Variants in NIPBL observed in about 807,000 individuals in gnomAD.
The protein encoded by NIPBL is NIPBL cohesin loading factor.
In NIPBL, 19 loss-of-function variants were observed where a neutral mutation model predicts 321.8. That is an observed-to-expected ratio of 0.06 (90% confidence interval 0.04 to 0.09). The LOEUF (loss-of-function observed/expected upper bound fraction) is 0.09. Ranked by LOEUF, NIPBL falls within the 10% of genes least tolerant of loss-of-function variation. The probability of loss-of-function intolerance (pLI) is 1.00; values close to 1 mark genes in which losing one functional copy is unlikely to be tolerated. For missense variants in NIPBL, 2,210 were observed against 3,327.0 expected, an observed-to-expected ratio of 0.66 and a Z score of 8.26; for synonymous variants, 1,106 against 1,114.1, an observed-to-expected ratio of 0.99 and a Z score of 0.14.
intron 8 of NIPBL, among the ~76,000 whole-genome samples, chr5:36,975,450 T>C (rs1469578065): frequency 1.3e-5 from 2 of 152,156 alleles, no homozygotes; most frequent in East Asian, 3.8e-4. Flanking sequence ...TTGTATCATC[T>C]TTAGAAGCAA....
intron 1 of NIPBL, among the ~76,000 whole-genome samples, chr5:36,901,683 A>AT (rs1161242607): frequency 6.6e-6 from 1 of 151,652 alleles, no homozygotes; most frequent in Non-Finnish European, 1.5e-5. Context: ...CTAATTTTGT[A>AT]TTTTTAGTAG....
chr5:37,064,113 A>G (rs543709888), intron 46 of NIPBL, 135 bp downstream of exon 46: 1 of 1,456,476 alleles, frequency 6.9e-7, no homozygotes, highest in South Asian at 1.5e-5. Flanking sequence ...GTAGATAGAG[A>G]TTCTCTACTT....
chr5:37,061,836 T>C (rs1178345221), intron 45 of NIPBL, among the ~76,000 whole-genome samples: 1 of 152,176 alleles, frequency 6.6e-6, no homozygotes, highest in Admixed American at 6.5e-5. Flanking sequence ...TATTTTTTAT[T>C]GTAATGCTGT....
At chr5:37,014,079 G>A (rs1748608019) in intron 21 of NIPBL, among the ~76,000 whole-genome samples, 1 of 152,228 alleles carries the variant, frequency 6.6e-6, no homozygotes, top group African/African-American at 2.4e-5. Context: ...GTGGCGGTGC[G>A]CTCCTGCAAT....
Position 36,976,287 on chromosome 5 carries a change from A to G in NIPBL, c.1380A>G (p.Ser460=). The part of the protein sequence containing the change: ...TSVVQNQQQI[S]QQGPIYDEVE... The stretch of plus-strand genomic sequence containing the variant: ...TGGTACAGAATCAACAACAGATATC[A>G]CAACAGGGACCTATATATGATGAAG... The change falls in exon 9 of 47, where the codon TCA becomes TCG. Residue 460 remains serine, a synonymous_variant. Transcript: ENST00000282516. 2 of 1,613,810 alleles carry G rather than the reference A, an allele frequency of 1.2e-6. No homozygotes were observed. The highest frequency in any genetic ancestry group is 1.7e-6 in the Non-Finnish European group (2 of 1,179,864).
At chr5:36,958,951 A>C (rs571435387) in intron 4 of NIPBL, among the ~76,000 whole-genome samples, 7 of 152,302 alleles carry the variant, frequency 4.6e-5, no homozygotes, top group Admixed American at 1.3e-4. Context: ...TCACGCCTGT[A>C]ATCCCAGCAC....
chr5:37,013,348 G>A (rs1169386845), intron 21 of NIPBL, among the ~76,000 whole-genome samples: 2 of 150,912 alleles, frequency 1.3e-5, no homozygotes, highest in Non-Finnish European at 1.5e-5. Flanking sequence ...GCGGGGGGCT[G>A]ACCCCCCCAC....
At chr5:36,978,903 T>C (rs1227021479) in intron 9 of NIPBL, among the ~76,000 whole-genome samples, 1 of 152,136 alleles carries the variant, frequency 6.6e-6, no homozygotes, top group South Asian at 2.1e-4. Flanking sequence ...TTTTTAGGTA[T>C]GTGGCTTTAT....
chr5:37,013,492 G>A (rs1212789838), intron 21 of NIPBL, among the ~76,000 whole-genome samples: 4 of 151,450 alleles, frequency 2.6e-5, no homozygotes, highest in South Asian at 2.1e-4. Context: ...CTTCTCAGAC[G>A]GGGCGGTTGC....
Position 36,972,675 on chromosome 5 carries a change from A to C in NIPBL, c.868+634A>C, listed in dbSNP as rs185409668. Among the ~76,000 whole-genome samples, 513 of 152,280 alleles carry C rather than the reference A, an allele frequency of 3.4e-3. 2 individuals are homozygous for C. The highest frequency in any genetic ancestry group is 0.012 in the African/African-American group (493 of 41,580). ...TAGCGGATATTTCCAATTCATCTTC[A>C]AAATGGTTTTCACTGTTCTTTCTAC... is the stretch of plus-strand genomic sequence containing the variant. On this transcript the variant is annotated intron_variant, in intron 8 of 46. Coordinates refer to ENST00000282516, the MANE Select transcript of NIPBL (RefSeq NM_133433.4).
chr5:37,013,751 AC>A (rs1485797412), intron 21 of NIPBL, among the ~76,000 whole-genome samples: 1 of 150,292 alleles, frequency 6.7e-6, no homozygotes, highest in Non-Finnish European at 1.5e-5. Context: ...GAGGCTCCTC[AC>A]ATCCCAGACG....
intron 1 of NIPBL, among the ~76,000 whole-genome samples, chr5:36,925,789 G>A (rs772727292): frequency 6.6e-6 from 1 of 152,134 alleles, no homozygotes; most frequent in Non-Finnish European, 1.5e-5. Flanking sequence ...GTAACTTACA[G>A]TTCCCATTGT....
At chr5:36,895,578 A>G (rs1746670880) in intron 1 of NIPBL, among the ~76,000 whole-genome samples, 1 of 152,196 alleles carries the variant, frequency 6.6e-6, no homozygotes, top group South Asian at 2.1e-4. Context: ...CATTTGTAGT[A>G]GCAATGTATG....
intron 11 of NIPBL, among the ~76,000 whole-genome samples, chr5:36,999,945 TC>T (rs1746595736): frequency 6.6e-6 from 1 of 152,212 alleles, no homozygotes; most frequent in African/African-American, 2.4e-5. Flanking sequence ...AGTTGACTTT[TC>T]CTCCAAACCC....
intron 21 of NIPBL, among the ~76,000 whole-genome samples, chr5:37,013,638 C>G (rs1175307203): frequency 1.3e-5 from 2 of 151,914 alleles, no homozygotes; most frequent in Non-Finnish European, 1.5e-5. Context: ...CTCCTCACTT[C>G]CCAGATGTGA....
intron 8 of NIPBL, among the ~76,000 whole-genome samples, chr5:36,973,901 G>T (rs1309980974): frequency 6.6e-6 from 1 of 152,064 alleles, no homozygotes; most frequent in Non-Finnish European, 1.5e-5. Context: ...TCATTGTTCA[G>T]CTCCCACTTA....
At chr5:36,936,517 G>T (rs1031612237) in intron 1 of NIPBL, among the ~76,000 whole-genome samples, 2 of 152,090 alleles carry the variant, frequency 1.3e-5, no homozygotes, top group Non-Finnish European at 2.9e-5. Flanking sequence ...GGTACATTCT[G>T]TTATATTTGC....
chr5:36,916,009 GAA>G (rs1748429705), intron 1 of NIPBL, among the ~76,000 whole-genome samples: 1 of 152,150 alleles, frequency 6.6e-6, no homozygotes, highest in South Asian at 2.1e-4. Flanking sequence ...ATCTTCAGTG[GAA>G]AAAGATATGA....
chr5:36,898,685 A>G (rs972313415), intron 1 of NIPBL, among the ~76,000 whole-genome samples: 2 of 151,938 alleles, frequency 1.3e-5, no homozygotes, highest in African/African-American at 4.8e-5. Flanking sequence ...CCAATTTTGT[A>G]TTTTTAGCAG....
Sources: gnomAD v4.1 joint callset for allele counts (sites outside exome capture counted in the v4.1 genomes callset) on GRCh38, gnomAD v4.1.1 for gene constraint, MANE v1.5 for transcripts, NCBI Gene and HGNC (gene_info 2026-07-23, HGNC 2026-07-21) for gene names.